OR13A1: variants seen among roughly 807,000 people sequenced by gnomAD.
OR13A1 encodes olfactory receptor 13A1.
In OR13A1, 10 loss-of-function variants were observed where a neutral mutation model predicts 7.5. The observed-to-expected ratio is 1.34, with a 90% CI of 0.83 to 2.27. The LOEUF (loss-of-function observed/expected upper bound fraction) is 2.27, where lower values mean the gene tolerates loss of function less well. OR13A1 is among the 30% of genes most tolerant of loss of function. The probability of loss-of-function intolerance (pLI) is 0.00; values close to 1 mark genes in which losing one functional copy is unlikely to be tolerated. For missense variants in OR13A1, 509 were observed against 419.1 expected (o/e 1.21, Z -1.87); for synonymous variants, 238 against 177.9 (o/e 1.34, Z -2.69).
intron 3 of OR13A1, 131 bp from the exon 4 acceptor site, chr10:45,304,565 G>GA (rs137967683): frequency 0.059 from 43,225 of 728,206 alleles, 2,086 homozygotes; most frequent in East Asian, 0.19. Flanking sequence ...TATTACAGTA[G>GA]AAAAAAGGCG....
Position 45,303,231 on chromosome 10 carries a change from A to C in OR13A1, c.*205T>G. On this transcript the variant is annotated 3_prime_UTR_variant, in exon 4 of 4. Coordinates refer to ENST00000553795, the MANE Select transcript of OR13A1 (RefSeq NM_001004297.3). ...CACCACCTTGGAGTCAGACCAAGAG[A>C]TCTGGTGTCTCAGAGGCTGGTGGGT... 1.7e-6 allele frequency: 1 copy of C among 572,972 alleles called. No individual in the cohort carries two copies. The highest frequency in any genetic ancestry group is 1.9e-5 in the African/African-American group (1 of 53,504). The allele number at this position is 572,972 out of a possible 1,614,324, so 35.5% of individuals were successfully genotyped here.
At chr10:45,306,645 C>A (rs1838336576) in intron 3 of OR13A1, among the ~76,000 whole-genome samples, 1 of 152,198 alleles carries the variant, frequency 6.6e-6, no homozygotes, top group South Asian at 2.1e-4. Context: ...CAAACATCAT[C>A]TCCAGCTCAG....
intron 3 of OR13A1, among the ~76,000 whole-genome samples, chr10:45,306,409 C>T (rs1411547539): frequency 1.3e-5 from 2 of 151,106 alleles, no homozygotes; most frequent in African/African-American, 2.4e-5. Context: ...GCCGAGATCG[C>T]GCCACTGCAC....
At chr10:45,313,050 T>C (rs980993562) in intron 1 of OR13A1, among the ~76,000 whole-genome samples, 1 of 152,122 alleles carries the variant, frequency 6.6e-6, no homozygotes, top group Non-Finnish European at 1.5e-5. Flanking sequence ...CTTTTAATTC[T>C]TGTATAGAAT....
downstream of OR13A1, chr10:45,302,585 C>T (rs1389515651): frequency 6.6e-6 from 1 of 152,200 alleles, no homozygotes; most frequent in Non-Finnish European, 1.5e-5. Flanking sequence ...TACAACTAAA[C>T]ATTCACATCT....
intron 1 of OR13A1, among the ~76,000 whole-genome samples, chr10:45,311,141 C>T (rs1838436745): frequency 6.6e-6 from 1 of 152,198 alleles, no homozygotes; most frequent in Admixed American, 6.5e-5. Flanking sequence ...TTTTTCCAGG[C>T]CTATCCCCTA....
Position 45,303,014 on chromosome 10 carries a change from CA to C in OR13A1, c.*421del, listed in dbSNP as rs778974441. On this transcript the variant is annotated 3_prime_UTR_variant, in exon 4 of 4. Coordinates refer to ENST00000553795, the MANE Select transcript of OR13A1 (RefSeq NM_001004297.3). ...ACAAAGCTTCAGTCTGACAACCCTT[CA>C]GGGGCTGTGGGGTCCACAATTCTGC... 6.2e-6 allele frequency: 1 copy of C among 161,112 alleles called. No homozygotes were observed. Among genetic ancestry groups the C allele is most frequent in the Non-Finnish European group, 1.3e-5 (1 of 74,210 alleles). 10.0% of individuals were successfully genotyped at this position (161,112 alleles called of 1,614,324 possible). A position where few individuals can be genotyped will look rare whatever the true frequency, so the allele number is the denominator to read the frequency against.
intron 1 of OR13A1, among the ~76,000 whole-genome samples, chr10:45,309,851 T>A (rs1197787352): frequency 1.3e-5 from 2 of 152,236 alleles, no homozygotes; most frequent in African/African-American, 2.4e-5. Flanking sequence ...CATTAATGGC[T>A]TTGAGACTTT....
At chr10:45,308,424 C>T (rs914828173) in intron 1 of OR13A1, among the ~76,000 whole-genome samples, 6 of 152,058 alleles carry the variant, frequency 3.9e-5, no homozygotes, top group African/African-American at 1.5e-4. Flanking sequence ...CAAAGAAAAG[C>T]CATGAAAAAG....
At chr10:45,314,788 A>G (rs1350745711) in intron 1 of OR13A1, among the ~76,000 whole-genome samples, 1 of 152,218 alleles carries the variant, frequency 6.6e-6, no homozygotes, top group Non-Finnish European at 1.5e-5. Flanking sequence ...ACAGTTAATT[A>G]TATGTCAACA....
Position 45,303,754 on chromosome 10 carries a change from G to A in OR13A1, c.669C>T (p.Phe223=). 6.2e-7 allele frequency: 1 copy of A among 1,614,180 alleles called. No individual in the cohort carries two copies. Among genetic ancestry groups the A allele is most frequent in the Non-Finnish European group, 8.5e-7 (1 of 1,180,048 alleles). Residue 223 remains phenylalanine, a synonymous_variant, in exon 4 of 4, where the codon TTC becomes TTT. Coordinates refer to ENST00000553795, the MANE Select transcript of OR13A1 (RefSeq NM_001004297.3). ...TCATCAGGAAGTTCACTATGCCGTAGAAAGCATCCGCCAGGACAATCATGA... is the reference window on the plus strand; with the variant it reads ...TCATCAGGAAGTTCACTATGCCGTAAAAAGCATCCGCCAGGACAATCATGA... ...NGVMIVLADA[F]YGIVNFLMTI... is the part of the protein sequence containing the mutation.
In OR13A1 at chr10:45,303,598, G is replaced by A. The variant is rs756206147; in HGVS notation, c.825C>T (p.Tyr275=). Residue 275 remains tyrosine (Y), a synonymous_variant, in exon 4 of 4, where the codon TAC becomes TAT. Transcript: ENST00000553795. ...VVCMYYTAVF[Y]AYISPVSGYS... ...AGCCAGAGACCGGGCTTATGTAGGC[G>A]TAGAAGACAGCGGTGTAATACATGC... The A allele has an allele frequency of 7.5e-5, 121 of 1,613,902 alleles. No individual in the cohort carries two copies. The highest frequency in any genetic ancestry group is 8.8e-5 in the Non-Finnish European group (104 of 1,180,034).
intron 1 of OR13A1, among the ~76,000 whole-genome samples, chr10:45,311,754 T>C (rs1838451445): frequency 7.0e-6 from 1 of 142,648 alleles, no homozygotes; most frequent in African/African-American, 2.9e-5. Flanking sequence ...ACCTGAGTGA[T>C]GAAATAATAA....
intron 1 of OR13A1, 122 bp from the exon 2 acceptor site, chr10:45,307,930 A>G (rs1415901898): frequency 6.6e-5 from 10 of 152,262 alleles, no homozygotes; most frequent in African/African-American, 1.2e-4. Context: ...AAGACAAATT[A>G]TATTTTACAT....
chr10:45,310,731 C>T (rs902086570), intron 1 of OR13A1, among the ~76,000 whole-genome samples: 8 of 151,588 alleles, frequency 5.3e-5, no homozygotes, highest in South Asian at 2.1e-4. Flanking sequence ...ATGTTACTCC[C>T]GAGAACTGAG....
In OR13A1 at chr10:45,304,288, T is replaced by C. The variant is rs1040820959; in HGVS notation, c.135A>G (p.Leu45=). ...FSEHPEYRVF[L]FSCFLFLYSG... ...AGTAGAGGAAGAGGAAACAGCTGAATAAGAACACCCGGTATTCTGGGTGCT... is the reference window on the plus strand; with the variant it reads ...AGTAGAGGAAGAGGAAACAGCTGAACAAGAACACCCGGTATTCTGGGTGCT... The change falls in exon 4 of 4, where the codon TTA becomes TTG. Residue 45 remains leucine (L), a synonymous_variant. Coordinates refer to ENST00000553795, the MANE Select transcript of OR13A1 (RefSeq NM_001004297.3). 1.9e-6 allele frequency: 3 copies of C among 1,614,160 alleles called. No homozygotes were observed. The highest frequency in any genetic ancestry group is 2.5e-6 in the Non-Finnish European group (3 of 1,180,028).
intron 1 of OR13A1, among the ~76,000 whole-genome samples, chr10:45,315,203 C>A (rs1564537278): frequency 6.6e-6 from 1 of 151,992 alleles, no homozygotes; most frequent in African/African-American, 2.4e-5. Flanking sequence ...AATCCCAGCA[C>A]TTTGGGAGGC....
chr10:45,309,075 T>A (rs1230917066), intron 1 of OR13A1, among the ~76,000 whole-genome samples: 1 of 152,020 alleles, frequency 6.6e-6, no homozygotes, highest in East Asian at 1.9e-4. Flanking sequence ...AGATTTCTAA[T>A]CCAAATGTGT....
Position 45,314,987 on chromosome 10 carries a change from G to A in OR13A1, c.-225+537C>T, listed in dbSNP as rs145161518. Among the ~76,000 whole-genome samples the A allele has an allele frequency of 6.6e-5, 10 of 152,242 alleles. No individual in the cohort carries two copies. In the East Asian group the frequency reaches 1.7e-3, roughly 26 times the overall value. On this transcript the variant is annotated intron_variant, in intron 1 of 3. Transcript: ENST00000553795. ...CATTTAAGGAAGAATTAGAACCAAT[G>A]TTTCTCAAAGTCATTTACAAAAATG...
Sources: allele counts gnomAD v4.1 joint callset (sites outside exome capture counted in the v4.1 genomes callset), GRCh38; gene constraint gnomAD v4.1.1; transcripts MANE v1.5; gene names NCBI Gene and HGNC (gene_info 2026-07-23, HGNC 2026-07-21).